CD207: variants seen among roughly 807,000 people sequenced by gnomAD.
CD207 encodes CD207 molecule, also known as C-type lectin domain family 4 member K.
A neutral mutation model predicts 31.6 loss-of-function variants in CD207; 28 were observed. The observed-to-expected ratio is 0.89, with a 90% CI of 0.66 to 1.21. The LOEUF (loss-of-function observed/expected upper bound fraction) is 1.21, where lower values mean the gene tolerates loss of function less well. Among genes scored for constraint, CD207 ranks in the 50% most tolerant of loss-of-function variants. The probability of loss-of-function intolerance (pLI) is 0.00; values close to 1 mark genes in which losing one functional copy is unlikely to be tolerated. For synonymous variants in CD207, 168 were observed against 153.9 expected, an observed-to-expected ratio of 1.09 and a Z score of -0.68; for missense variants, 388 against 397.8, an observed-to-expected ratio of 0.98 and a Z score of 0.21.
chr2:70,831,926 C>G (rs528930512), intron 4 of CD207, 107 bp from the exon 5 acceptor site: 1 of 742,580 alleles, frequency 1.3e-6, no homozygotes, highest in African/African-American at 1.7e-5. Flanking sequence ...CCCACAGATG[C>G]GCTGCACAAA....
chr2:70,833,235 T>C (rs961902308), intron 3 of CD207, among the ~76,000 whole-genome samples, 184 bp from the exon 4 acceptor site: 2 of 152,070 alleles, frequency 1.3e-5, no homozygotes, highest in Non-Finnish European at 1.5e-5. Context: ...CAGAGACTAA[T>C]AGAGTCTCTG....
At chr2:70,824,622 C>CTAAAAAAAAAAAAAA in the CD207 span, among the ~76,000 whole-genome samples, 1 of 38,766 alleles carries the variant, frequency 2.6e-5, no homozygotes, top group Non-Finnish European at 4.5e-5. Flanking sequence ...GCTTAGTTAC[C>CTAAAAAAAAAAAAAA]AAAAAAAAAA....
At chr2:70,833,072 G>A in intron 3 of CD207, 21 bp from the exon 4 acceptor site, 1 of 1,613,392 alleles carries the variant, frequency 6.2e-7, no homozygotes, top group South Asian at 1.1e-5. Flanking sequence ...AGAGGTAAAA[G>A]TGAACGCTGG....
downstream of CD207, among the ~76,000 whole-genome samples, chr2:70,826,591 C>A (rs1366379926): frequency 6.6e-6 from 1 of 152,148 alleles, no homozygotes; most frequent in Non-Finnish European, 1.5e-5. Context: ...GTTGACCAAG[C>A]AGATCTTCAA....
downstream of CD207, among the ~76,000 whole-genome samples, chr2:70,826,502 A>G (rs1389315768): frequency 2.0e-5 from 3 of 152,128 alleles, no homozygotes; most frequent in African/African-American, 7.2e-5. Context: ...TCAGCCTCCC[A>G]AGAGCTAGGA....
At chr2:70,829,853 C>T (rs1471663737), downstream of CD207, among the ~76,000 whole-genome samples, 2 of 152,170 alleles carry the variant, frequency 1.3e-5, no homozygotes, top group Non-Finnish European at 2.9e-5. Context: ...ATTCCAGCTT[C>T]AGCCACTGGA....
Position 70,835,602 on chromosome 2 carries a change from G to C in CD207, c.79C>G (p.Pro27Ala). The C allele has an allele frequency of 6.2e-7, 1 of 1,613,850 alleles. No homozygotes were observed. The highest frequency in any genetic ancestry group is 8.5e-7 in the Non-Finnish European group (1 of 1,179,708). ...QNISLWPREP[P>A]PKSGPSLVPG... The stretch of plus-strand genomic sequence containing the variant: ...ACCAGAGATGGACCGGACTTGGGAG[G>C]AGGCTCTGTTGGAAGAAGAAGAAAA... Residue 27 changes from proline to alanine, a missense_variant, in exon 2 of 6, where the codon CCT (proline) becomes GCT (alanine). Pro to Ala is a conservative substitution (Grantham distance 27). Transcript: ENST00000410009.
chr2:70,826,768 C>T (rs1272723766), downstream of CD207, among the ~76,000 whole-genome samples: 3 of 152,180 alleles, frequency 2.0e-5, no homozygotes, highest in African/African-American at 7.2e-5. Flanking sequence ...AGAAGCTGTT[C>T]AGGATAAAGG....
chr2:70,832,921 C>A lies in CD207; in HGVS notation c.696G>T (p.Ser232=), dbSNP rs142863447. The A allele has an allele frequency of 6.2e-7, 1 of 1,613,690 alleles. No individual in the cohort carries two copies. Among genetic ancestry groups the A allele is most frequent in the South Asian group, 1.1e-5 (1 of 91,048 alleles). Residue 232 remains serine, a synonymous_variant, in exon 4 of 6, where the codon TCG becomes TCT. Coordinates refer to ENST00000410009, the MANE Select transcript of CD207 (RefSeq NM_015717.5). ...TCACCTGCTCACTCTCTGAGGTCAC[C>A]GAGGTCAGGTGTGAATTCCTGGACA... ...FCVSRNSHLT[S]VTSESEQEFL...
Position 70,833,696 on chromosome 2 carries a change from C to G in CD207, c.515G>C (p.Arg172Pro), listed in dbSNP as rs567546839. The change falls in exon 3 of 6, where the codon CGG (arginine) becomes CCG (proline). Residue 172 changes from arginine (R) to proline (P), a missense_variant. By Grantham distance (103) the Arg-to-Pro change is moderately radical (BLOSUM62 -2). Coordinates refer to ENST00000410009, the MANE Select transcript of CD207 (RefSeq NM_015717.5). The part of the protein sequence containing the change: ...EKASALNTKI[R>P]ALQGSLENMS... ...ATTCTCCAAGCTGCCCTGGAGTGCC[C>G]GGATCTTTGTATTTAAAGCACTGGC... 6.2e-7 allele frequency: 1 copy of G among 1,613,920 alleles called. No individual in the cohort carries two copies. Among genetic ancestry groups the G allele is most frequent in the South Asian group, 1.1e-5 (1 of 91,074 alleles).
At chr2:70,824,972 G>C in the CD207 span, among the ~76,000 whole-genome samples, 1 of 152,142 alleles carries the variant, frequency 6.6e-6, no homozygotes. Context: ...TACAGGAAAA[G>C]GGAGAAAAGA....
downstream of CD207, among the ~76,000 whole-genome samples, chr2:70,827,526 C>T (rs940620577): frequency 5.3e-5 from 8 of 152,294 alleles, no homozygotes; most frequent in African/African-American, 1.9e-4. Flanking sequence ...GCCCCCATGC[C>T]CAGGGCCCAG....
chr2:70,830,935 T>G lies in CD207; in HGVS notation c.*115A>C. On this transcript the variant is annotated 3_prime_UTR_variant, in exon 6 of 6. Coordinates refer to ENST00000410009, the MANE Select transcript of CD207 (RefSeq NM_015717.5). The stretch of plus-strand genomic sequence containing the variant: ...TCCAGAATGCCACTGTGGGACAATT[T>G]TGAAGCAAGAAAAATTAACGTGCAA... 1.9e-6 allele frequency: 2 copies of G among 1,026,918 alleles called. No homozygotes were observed. The highest frequency in any genetic ancestry group is 2.8e-6 in the Non-Finnish European group (2 of 721,082). 63.6% of individuals were successfully genotyped at this position (1,026,918 alleles called of 1,614,324 possible).
At chr2:70,829,595 T>C (rs1231917590), downstream of CD207, among the ~76,000 whole-genome samples, 1 of 152,144 alleles carries the variant, frequency 6.6e-6, no homozygotes, top group African/African-American at 2.4e-5. Context: ...AGGGCAAGGA[T>C]ATATCTGGTG....
At chr2:70,824,302 C>T in the CD207 span, among the ~76,000 whole-genome samples, 2 of 96,422 alleles carry the variant, frequency 2.1e-5, no homozygotes, top group African/African-American at 6.9e-5. Flanking sequence ...GCTTTTATTC[C>T]GTTCGTCTCC....
intron 5 of CD207, 88 bp downstream of exon 5, chr2:70,831,613 T>A (rs891595794): frequency 1.2e-6 from 1 of 828,510 alleles, no homozygotes; most frequent in African/African-American, 1.7e-5. Flanking sequence ...AGAAACCCTG[T>A]CTCATGGGGA....
rs782658356 is a variant in CD207 at position 70,831,793 on chromosome 2, TC to T, written c.743del (p.Gly248AspfsTer8). 9 of 1,612,076 alleles carry T rather than the reference TC, an allele frequency of 5.6e-6. No homozygotes were observed. Among genetic ancestry groups the T allele is most frequent in the Admixed American group, 1.7e-5 (1 of 59,988 alleles). ...TAGTCAGGCCAATCCAGTAGATGAG[TC>T]CCCCCGCTGTTTTATACAGAAACTC... Reference protein sequence around the residue: ...EQEFLYKTAGGLIYWIGLTKA... With the variant: ...EQEFLYKTAGXLIYWIGLTKA... On this transcript the variant is annotated frameshift_variant, in exon 5 of 6. Transcript: ENST00000410009. LOFTEE classifies it high-confidence loss of function.
chr2:70,831,436 A>C (rs1195963590), intron 5 of CD207, among the ~76,000 whole-genome samples: 3 of 152,034 alleles, frequency 2.0e-5, no homozygotes, highest in Non-Finnish European at 2.9e-5. Context: ...ACAAACCCAC[A>C]CTGTGAAGAC....
chr2:70,835,461 A>G, intron 2 of CD207, 30 bp downstream of exon 2: 2 of 1,527,118 alleles, frequency 1.3e-6, no homozygotes, highest in African/African-American at 1.4e-5. Flanking sequence ...GAGAGGGGCT[A>G]AGCCCAGACG....
Sources: allele counts gnomAD v4.1 joint callset (sites outside exome capture counted in the v4.1 genomes callset), GRCh38; gene constraint gnomAD v4.1.1; transcripts MANE v1.5; gene names NCBI Gene and HGNC (gene_info 2026-07-23, HGNC 2026-07-21).